CYFIP1: variants seen among roughly 807,000 people sequenced by gnomAD.
CYFIP1 encodes cytoplasmic FMR1 interacting protein 1, also known as cytoplasmic FMR1-interacting protein 1.
A neutral mutation model predicts 163.5 loss-of-function variants in CYFIP1; 58 were observed. The observed-to-expected ratio is 0.35, with a 90% CI of 0.29 to 0.44. The LOEUF (loss-of-function observed/expected upper bound fraction) is 0.44. CYFIP1 is among the 20% of genes least tolerant of loss of function. CYFIP1 has a pLI of 1.00. For synonymous variants in CYFIP1, 663 were observed against 660.7 expected (o/e 1.00, Z -0.05); for missense variants, 1,338 against 1,653.8 (o/e 0.81, Z 3.31).
chr15:22,924,240 A>G (rs966123430), intron 13 of CYFIP1, among the ~76,000 whole-genome samples: 2 of 152,178 alleles, frequency 1.3e-5, no homozygotes, highest in South Asian at 4.2e-4. Flanking sequence ...CCCGGCCAAC[A>G]TGGTGAAACC....
intron 23 of CYFIP1, among the ~76,000 whole-genome samples, chr15:22,885,883 C>A (rs1210725998): frequency 6.6e-6 from 1 of 152,176 alleles, no homozygotes; most frequent in East Asian, 1.9e-4. Context: ...TTTCAGGTAT[C>A]TTTATAGCAG....
intron 3 of CYFIP1, 133 bp from the exon 4 acceptor site, chr15:22,945,072 G>A (rs1567012076): frequency 5.8e-6 from 5 of 868,114 alleles, no homozygotes; most frequent in Middle Eastern, 4.6e-4. Context: ...AGAGACGGCT[G>A]CCAGAAGCTA....
At chr15:22,937,041 T>A in intron 9 of CYFIP1, 63 bp downstream of exon 9, 1 of 1,168,864 alleles carries the variant, frequency 8.6e-7, no homozygotes, top group Non-Finnish European at 1.3e-6. Flanking sequence ...AGGGGCTCAC[T>A]TCCCCAAAAT....
chr15:22,916,808 G>A, intron 15 of CYFIP1, 178 bp from the exon 16 acceptor site: 2 of 1,568,072 alleles, frequency 1.3e-6, no homozygotes, highest in Non-Finnish European at 1.7e-6. Flanking sequence ...CTGCTGCTTT[G>A]GGGAAAGAAC....
intron 21 of CYFIP1, among the ~76,000 whole-genome samples, chr15:22,908,316 G>A (rs774831963): frequency 3.4e-4 from 52 of 151,968 alleles, no homozygotes; most frequent in Non-Finnish European, 5.7e-4. Context: ...CCGAAAAATG[G>A]GTGAGCGCCC....
At chr15:22,901,380 G>GA (rs900304599) in intron 22 of CYFIP1, among the ~76,000 whole-genome samples, 2 of 152,102 alleles carry the variant, frequency 1.3e-5, no homozygotes, top group African/African-American at 4.8e-5. Flanking sequence ...CTTTTAAACA[G>GA]AAAAATGGTA....
intron 11 of CYFIP1, among the ~76,000 whole-genome samples, chr15:22,929,893 G>C (rs533517243): frequency 2.2e-4 from 31 of 139,056 alleles, no homozygotes; most frequent in Middle Eastern, 9.6e-3. Context: ...CCGAGATCGC[G>C]CCACTGCACT....
At chr15:22,926,776 ATATTAGAAATAAGACAG>A (rs1286333442) in intron 12 of CYFIP1, among the ~76,000 whole-genome samples, 2 of 152,210 alleles carry the variant, frequency 1.3e-5, no homozygotes, top group African/African-American at 4.8e-5. Context: ...GTACAGTCTG[ATATTAGAAATAAGACAG>A]TGTTAGATAG....
chr15:22,882,823 G>A (rs771321536), intron 24 of CYFIP1, 45 bp downstream of exon 24: 1 of 1,587,902 alleles, frequency 6.3e-7, no homozygotes, highest in Non-Finnish European at 8.6e-7. Flanking sequence ...GGGTGCCCCA[G>A]GGAATCCAGG....
At chr15:22,951,886 A>G (rs2062261853) in intron 1 of CYFIP1, among the ~76,000 whole-genome samples, 1 of 152,028 alleles carries the variant, frequency 6.6e-6, no homozygotes, top group Non-Finnish European at 1.5e-5. Context: ...GAACCCACGG[A>G]AAAACGCCAG....
chr15:22,930,952 C>CA (rs2061517664), intron 11 of CYFIP1, among the ~76,000 whole-genome samples: 1 of 152,202 alleles, frequency 6.6e-6, no homozygotes, highest in Admixed American at 6.5e-5. Flanking sequence ...GCTCGCCACT[C>CA]ACTCACTGAC....
At chr15:22,907,789 C>T (rs375141723) in intron 21 of CYFIP1, among the ~76,000 whole-genome samples, 209 of 152,294 alleles carry the variant, frequency 1.4e-3, no homozygotes, top group African/African-American at 3.7e-3. Flanking sequence ...TTCGGGGGCC[C>T]GCTCACTGAG....
intron 1 of CYFIP1, among the ~76,000 whole-genome samples, chr15:22,972,766 G>A (rs954181049): frequency 2.0e-5 from 3 of 152,134 alleles, no homozygotes; most frequent in Admixed American, 6.5e-5. Flanking sequence ...TAATCCCTGC[G>A]AAGCCCAGGC....
At position 22,928,002 on chromosome 15, in the gene CYFIP1, C is replaced by T. The variant is rs1311998437; in HGVS notation, c.1137G>A (p.Glu379=). 2.5e-6 allele frequency: 4 copies of T among 1,582,450 alleles called. No homozygotes were observed. Among genetic ancestry groups the T allele is most frequent in the Non-Finnish European group, 3.4e-6 (4 of 1,167,898 alleles). Reference sequence around the variant, plus strand: ...GGTACTCCGCGTCCGTCTTCTGGGCCTCCTGGCGGCCCGAGCCCGTGACCA... The same window carrying T: ...GGTACTCCGCGTCCGTCTTCTGGGCTTCCTGGCGGCCCGAGCCCGTGACCA... ...SEVVTGSGRQ[E]AQKTDAEYRK... Residue 379 remains glutamate (E), a synonymous_variant, in exon 12 of 31, where the codon GAG becomes GAA. Transcript: ENST00000617928.
intron 21 of CYFIP1, among the ~76,000 whole-genome samples, chr15:22,908,932 G>T (rs1379491819): frequency 2.0e-5 from 3 of 152,146 alleles, no homozygotes; most frequent in African/African-American, 7.2e-5. Context: ...TCAAGATTGG[G>T]GTTATGTGTT....
At position 22,884,415 on chromosome 15, in the gene CYFIP1, A is replaced by G. The variant is rs957505591; in HGVS notation, c.2677-1404T>C. ...GGGCTCCAGGCCCCATGGAAGCCCA[A>G]AGTCCAGTGGGGCAGTCATTAAATC... On this transcript the variant is annotated intron_variant, in intron 23 of 30. Coordinates refer to ENST00000617928, the MANE Select transcript of CYFIP1 (RefSeq NM_014608.6). Among the ~76,000 whole-genome samples the G allele has an allele frequency of 1.1e-4, 16 of 152,330 alleles. No individual in the cohort carries two copies. In the East Asian group the frequency reaches 2.9e-3, roughly 28 times the overall value.
intron 29 of CYFIP1, 145 bp from the exon 30 acceptor site, chr15:22,873,117 G>C: frequency 1.2e-6 from 1 of 858,788 alleles, no homozygotes; most frequent in East Asian, 2.9e-5. Context: ...GGAAGAGAAT[G>C]CCGGGCAGCC....
chr15:22,878,529 C>T (rs1288740519), intron 26 of CYFIP1, among the ~76,000 whole-genome samples: 1 of 151,744 alleles, frequency 6.6e-6, no homozygotes, highest in African/African-American at 2.4e-5. Flanking sequence ...TACACAAAGA[C>T]CAACTCCAGA....
chr15:22,908,192 G>A (rs1202858471), intron 21 of CYFIP1, among the ~76,000 whole-genome samples: 1 of 152,116 alleles, frequency 6.6e-6, no homozygotes, highest in Non-Finnish European at 1.5e-5. Context: ...AGTGTGTGAA[G>A]ACTCACACTG....
Sources: gnomAD v4.1 joint callset for allele counts (sites outside exome capture counted in the v4.1 genomes callset) on GRCh38, gnomAD v4.1.1 for gene constraint, MANE v1.5 for transcripts, NCBI Gene and HGNC (gene_info 2026-07-23, HGNC 2026-07-21) for gene names.